KCNMA1: variants seen among roughly 807,000 people sequenced by gnomAD.
KCNMA1 encodes the protein Calcium-activated potassium channel subunit alpha-1.
KCNMA1 carries 29 observed loss-of-function variants against 140.0 expected under a neutral mutation model. The observed-to-expected ratio is 0.21, with a 90% CI of 0.15 to 0.28. The LOEUF (loss-of-function observed/expected upper bound fraction) is 0.28. Ranked by LOEUF, KCNMA1 falls within the 10% of genes least tolerant of loss-of-function variation. The probability of loss-of-function intolerance (pLI) is 1.00; values close to 1 mark genes in which losing one functional copy is unlikely to be tolerated. For synonymous variants in KCNMA1, 612 were observed against 611.9 expected (o/e 1.00, Z 0.00); for missense variants, 880 against 1,602.2 (o/e 0.55, Z 7.70).
chr10:77,020,302 G>A (rs1565582983), intron 16 of KCNMA1: 1 of 152,136 alleles, frequency 6.6e-6, no homozygotes, highest in Non-Finnish European at 1.5e-5. Flanking sequence ...TACGTCTGTA[G>A]TCATACAGGA....
intron 14 of KCNMA1, chr10:77,063,994 C>G: frequency 1.0e-6 from 1 of 985,380 alleles, no homozygotes; most frequent in Non-Finnish European, 1.2e-6. Flanking sequence ...ACTGGATTTT[C>G]GCATTAAGTC....
intron 19 of KCNMA1, among the ~76,000 whole-genome samples, chr10:76,982,400 G>A (rs1021875639): frequency 1.3e-5 from 2 of 151,904 alleles, no homozygotes; most frequent in South Asian, 2.1e-4. Flanking sequence ...GAGAGGTCCC[G>A]TATATCCCCA....
At chr10:77,343,907 A>G (rs1034268366) in intron 2 of KCNMA1, among the ~76,000 whole-genome samples, 1 of 152,218 alleles carries the variant, frequency 6.6e-6, no homozygotes. Flanking sequence ...AGAAGTCAAG[A>G]AGTTAGAGAC....
At chr10:77,018,949 C>A in intron 17 of KCNMA1, 64 bp downstream of exon 17, 1 of 906,568 alleles carries the variant, frequency 1.1e-6, no homozygotes, top group Middle Eastern at 2.1e-4. Context: ...AGCCTGCCTA[C>A]TTCCGTGGGT....
At chr10:77,443,317 A>T (rs2097450804) in intron 1 of KCNMA1, among the ~76,000 whole-genome samples, 1 of 152,186 alleles carries the variant, frequency 6.6e-6, no homozygotes, top group Admixed American at 6.5e-5. Flanking sequence ...ATGGTCTAGC[A>T]TAGCCACCAA....
rs527273647 is a variant in KCNMA1, at chr10:77,492,032, T to C, written c.379-88009A>G. Among the ~76,000 whole-genome samples, 11 of 152,290 alleles carry C rather than the reference T, an allele frequency of 7.2e-5. No individual in the cohort carries two copies. In the East Asian group the frequency reaches 1.7e-3, roughly 24 times the overall value. On this transcript the variant is annotated intron_variant, in intron 1 of 27. Transcript: ENST00000286628. ...GTACGCCCTGCCGGTCCCGCCTCACTGCCTACTGCTCCGTTCACTGGGGAT... is the reference window on the plus strand; with the variant it reads ...GTACGCCCTGCCGGTCCCGCCTCACCGCCTACTGCTCCGTTCACTGGGGAT...
intron 25 of KCNMA1, 60 bp downstream of exon 25, chr10:76,909,906 A>G: frequency 1.3e-6 from 2 of 1,585,576 alleles, no homozygotes; most frequent in Non-Finnish European, 1.7e-6. Context: ...CAAAGGTTGG[A>G]GGTGCTCTAT....
chr10:77,619,419 A>G (rs1205995311), intron 1 of KCNMA1, among the ~76,000 whole-genome samples: 2 of 152,040 alleles, frequency 1.3e-5, no homozygotes, highest in African/African-American at 4.8e-5. Context: ...AAGAAGTAGC[A>G]TTCCCAGATA....
At chr10:77,522,310 C>A (rs915618878) in intron 1 of KCNMA1, among the ~76,000 whole-genome samples, 1 of 152,198 alleles carries the variant, frequency 6.6e-6, no homozygotes, top group East Asian at 1.9e-4. Flanking sequence ...AGGGGTCCTG[C>A]AATGGGGCCT....
intron 1 of KCNMA1, among the ~76,000 whole-genome samples, chr10:77,548,849 T>G (rs748724591): frequency 7.2e-5 from 11 of 152,212 alleles, no homozygotes; most frequent in Non-Finnish European, 1.6e-4. Context: ...GAGTCAGACA[T>G]TATGCTAAGC....
intron 14 of KCNMA1, among the ~76,000 whole-genome samples, chr10:77,072,261 C>T (rs1035711706): frequency 1.4e-4 from 21 of 152,224 alleles, no homozygotes; most frequent in Non-Finnish European, 1.3e-4. Context: ...GTTTTACACA[C>T]GGGTTTGTCA....
At chr10:77,292,927 A>C (rs2073779565) in intron 2 of KCNMA1, among the ~76,000 whole-genome samples, 1 of 152,236 alleles carries the variant, frequency 6.6e-6, no homozygotes, top group South Asian at 2.1e-4. Context: ...GGAAATTAGC[A>C]TCGAGGTGGC....
intron 14 of KCNMA1, among the ~76,000 whole-genome samples, chr10:77,045,202 A>T (rs1052208214): frequency 2.0e-5 from 3 of 152,218 alleles, no homozygotes; most frequent in African/African-American, 7.2e-5. Context: ...ATGTGAAGAC[A>T]CACTTCTCAG....
chr10:77,276,170 T>C (rs913935320), intron 2 of KCNMA1, among the ~76,000 whole-genome samples: 1 of 152,156 alleles, frequency 6.6e-6, no homozygotes, highest in Non-Finnish European at 1.5e-5. Flanking sequence ...CTGCTGGGCA[T>C]TTTCATGTAA....
At chr10:76,950,046 ACATAAAGTTCAAATTCC>A (rs1227600912) in intron 21 of KCNMA1, among the ~76,000 whole-genome samples, 1 of 152,222 alleles carries the variant, frequency 6.6e-6, no homozygotes, top group Non-Finnish European at 1.5e-5. Flanking sequence ...TGTGAAAATT[ACATAAAGTTCAAATTCC>A]CATAAAGTTG....
At chr10:77,500,172 A>T (rs1204084837) in intron 1 of KCNMA1, among the ~76,000 whole-genome samples, 1 of 151,302 alleles carries the variant, frequency 6.6e-6, no homozygotes, top group Non-Finnish European at 1.5e-5. Context: ...AGCATTTTTT[A>T]AAAAACAGAA....
At chr10:77,230,246 T>C (rs1351989687) in intron 3 of KCNMA1, among the ~76,000 whole-genome samples, 1 of 152,166 alleles carries the variant, frequency 6.6e-6, no homozygotes, top group African/African-American at 2.4e-5. Flanking sequence ...GGTAAATCCA[T>C]AGAGACAGAA....
At chr10:77,073,294 T>C (rs758764570) in intron 13 of KCNMA1, 42 bp from the exon 14 acceptor site, 4 of 1,597,308 alleles carry the variant, frequency 2.5e-6, no homozygotes, top group Admixed American at 3.3e-5. Flanking sequence ...CTCTGTTAAA[T>C]GTTCAATTGT....
intron 1 of KCNMA1, among the ~76,000 whole-genome samples, chr10:77,412,951 A>T (rs1433070806): frequency 6.6e-6 from 1 of 152,040 alleles, no homozygotes; most frequent in Non-Finnish European, 1.5e-5. Flanking sequence ...TCTGCCTCCC[A>T]GGTTCAAGTG....
Sources: allele counts gnomAD v4.1 joint callset (sites outside exome capture counted in the v4.1 genomes callset), GRCh38; gene constraint gnomAD v4.1.1; transcripts MANE v1.5; gene names NCBI Gene and HGNC (gene_info 2026-07-23, HGNC 2026-07-21).